Variants in IQCJ observed in about 807,000 individuals in gnomAD.
The protein encoded by IQCJ is IQ motif containing J.
In IQCJ, 9 loss-of-function variants were observed where a neutral mutation model predicts 11.0. The ratio of observed to expected loss-of-function variants is 0.82; its 90% CI spans 0.49 to 1.43. The LOEUF (loss-of-function observed/expected upper bound fraction) is 1.43, where lower values mean the gene tolerates loss of function less well. Ranked by LOEUF, IQCJ falls within the 40% of genes most tolerant of loss-of-function variation. IQCJ has a pLI of 0.00. For missense variants in IQCJ, 146 were observed against 133.2 expected (o/e 1.10, Z -0.47); for synonymous variants, 55 against 51.3 (o/e 1.07, Z -0.31).
intron 1 of IQCJ, among the ~76,000 whole-genome samples, chr3:159,181,229 C>G (rs1185991752): frequency 1.3e-5 from 2 of 151,654 alleles, no homozygotes; most frequent in Non-Finnish European, 2.9e-5. Context: ...CTTGGCACCA[C>G]TCTCTCCTGC....
At chr3:159,232,451 C>CTTTTTTTT (rs35423818) in intron 1 of IQCJ, among the ~76,000 whole-genome samples, 3 of 83,762 alleles carry the variant, frequency 3.6e-5, no homozygotes, top group African/African-American at 9.5e-5. Context: ...GAGAGACTTT[C>CTTTTTTTT]TTTTTTTTTT....
chr3:159,233,897 G>T (rs1252240956), intron 1 of IQCJ, among the ~76,000 whole-genome samples: 4 of 152,214 alleles, frequency 2.6e-5, no homozygotes, highest in Non-Finnish European at 5.9e-5. Context: ...TGATGAAACT[G>T]AGATCTAAAT....
intron 1 of IQCJ, among the ~76,000 whole-genome samples, chr3:159,205,792 C>T (rs979904012): frequency 6.6e-6 from 1 of 152,180 alleles, no homozygotes. Context: ...ACATGTTTCT[C>T]TGTGGCAGGC....
chr3:159,117,226 T>G (rs1399089479), intron 1 of IQCJ, among the ~76,000 whole-genome samples: 1 of 152,134 alleles, frequency 6.6e-6, no homozygotes. Flanking sequence ...AACCTACAGA[T>G]TGTTGAAGCT....
At chr3:159,256,960 A>G (rs1372014977) in intron 3 of IQCJ, among the ~76,000 whole-genome samples, 3 of 152,188 alleles carry the variant, frequency 2.0e-5, no homozygotes, top group Non-Finnish European at 4.4e-5. Context: ...TCTTACTCCT[A>G]TTTTATGGAT....
At chr3:159,137,263 G>GA (rs60336189) in intron 1 of IQCJ, among the ~76,000 whole-genome samples, 6,776 of 126,978 alleles carry the variant, frequency 0.053, 213 homozygotes, top group South Asian at 0.083. Flanking sequence ...CTCCATCTTG[G>GA]AAAAAAAAAA....
chr3:159,262,598 A>G lies in IQCJ; in HGVS notation c.206A>G (p.Lys69Arg), dbSNP rs781518251. ...CTGCAGCGGCAGGAGCCCCTGGGGA[A>G]GAGGAGCCCGTCCCCACCCTCTGTC... ...EYLQRQEPLG[K>R]RSPSPPSVSS... is the part of the protein sequence containing the mutation. The change falls in exon 4 of 4, where the codon AAG (lysine) becomes AGG (arginine). Residue 69 changes from lysine (K) to arginine (R), a missense_variant. Lys to Arg is a conservative substitution (Grantham distance 26). Transcript: ENST00000397832. 1.2e-6 allele frequency: 2 copies of G among 1,613,922 alleles called. No homozygotes were observed. Among genetic ancestry groups the G allele is most frequent in the Non-Finnish European group, 1.7e-6 (2 of 1,179,844 alleles).
At chr3:159,119,188 C>T (rs1719203596) in intron 1 of IQCJ, among the ~76,000 whole-genome samples, 1 of 152,176 alleles carries the variant, frequency 6.6e-6, no homozygotes, top group Non-Finnish European at 1.5e-5. Context: ...TGCAATGTCC[C>T]CTGGTTCCAG....
chr3:159,218,033 T>TACA (rs1351722571), intron 1 of IQCJ, among the ~76,000 whole-genome samples: 1 of 55,448 alleles, frequency 1.8e-5, no homozygotes, highest in Non-Finnish European at 3.5e-5. Context: ...TAATATTATA[T>TACA]ACAATAATAA....
chr3:159,160,237 G>C (rs944146121), intron 1 of IQCJ, among the ~76,000 whole-genome samples: 1 of 152,112 alleles, frequency 6.6e-6, no homozygotes, highest in Non-Finnish European at 1.5e-5. Context: ...CTTCATCCGG[G>C]GGAGGAGGTA....
chr3:159,232,900 TG>T (rs2108157263), intron 1 of IQCJ, among the ~76,000 whole-genome samples: 1 of 152,082 alleles, frequency 6.6e-6, no homozygotes, highest in East Asian at 1.9e-4. Context: ...GTAAAATAGG[TG>T]GGGGTTGGCT....
intron 1 of IQCJ, among the ~76,000 whole-genome samples, chr3:159,113,887 A>G (rs1718788797): frequency 1.3e-5 from 2 of 152,124 alleles, no homozygotes; most frequent in South Asian, 4.1e-4. Flanking sequence ...ATACATTGAA[A>G]AATGAGGAGG....
chr3:159,236,372 T>C (rs1307888574), intron 1 of IQCJ, among the ~76,000 whole-genome samples: 1 of 151,972 alleles, frequency 6.6e-6, no homozygotes, highest in Admixed American at 6.6e-5. Context: ...TCTAAATATA[T>C]GAGATGACTA....
At chr3:159,202,568 C>T (rs1724414667) in intron 1 of IQCJ, among the ~76,000 whole-genome samples, 1 of 152,140 alleles carries the variant, frequency 6.6e-6, no homozygotes, top group African/African-American at 2.4e-5. Context: ...CTTCATGGTT[C>T]CTCTTGGTCC....
chr3:159,234,755 G>C (rs1178548079), intron 1 of IQCJ, among the ~76,000 whole-genome samples: 1 of 152,242 alleles, frequency 6.6e-6, no homozygotes, highest in Non-Finnish European at 1.5e-5. Context: ...GGAGGGGATA[G>C]AAAGGGGGAG....
intron 1 of IQCJ, among the ~76,000 whole-genome samples, chr3:159,197,849 A>G (rs1724080323): frequency 1.3e-5 from 2 of 152,028 alleles, no homozygotes. Flanking sequence ...TTTTAATCAG[A>G]AGCAAGAAAT....
At chr3:159,167,615 G>T (rs1415455880) in intron 1 of IQCJ, among the ~76,000 whole-genome samples, 1 of 152,190 alleles carries the variant, frequency 6.6e-6, no homozygotes, top group South Asian at 2.1e-4. Flanking sequence ...TTGTTTTGAA[G>T]ATGGAAGAAA....
At chr3:159,140,773 T>C (rs958593434) in intron 1 of IQCJ, among the ~76,000 whole-genome samples, 32 of 152,204 alleles carry the variant, frequency 2.1e-4, no homozygotes, top group Non-Finnish European at 3.5e-4. Flanking sequence ...TACCTACCTA[T>C]ATCAGTTTGT....
At chr3:159,185,872 A>AC (rs1340546263) in intron 1 of IQCJ, among the ~76,000 whole-genome samples, 1 of 151,980 alleles carries the variant, frequency 6.6e-6, no homozygotes. Flanking sequence ...GCATTTTAAA[A>AC]CCTCATCTTG....
Sources: gnomAD v4.1 joint callset for allele counts (sites outside exome capture counted in the v4.1 genomes callset) on GRCh38, gnomAD v4.1.1 for gene constraint, MANE v1.5 for transcripts, NCBI Gene and HGNC (gene_info 2026-07-23, HGNC 2026-07-21) for gene names.